LHFPL3: variants seen among roughly 807,000 people sequenced by gnomAD.
The protein encoded by LHFPL3 is LHFPL tetraspan subfamily member 3 protein.
In LHFPL3, 5 loss-of-function variants were observed where a neutral mutation model predicts 19.3. The observed-to-expected ratio is 0.26, with a 90% CI of 0.14 to 0.54. The LOEUF (loss-of-function observed/expected upper bound fraction) is 0.54. Ranked by LOEUF, LHFPL3 falls within the 20% of genes least tolerant of loss-of-function variation. LHFPL3 has a pLI of 0.94. For synonymous variants in LHFPL3, 133 were observed against 126.2 expected (o/e 1.05, Z -0.36); for missense variants, 249 against 307.4 (o/e 0.81, Z 1.42).
At chr7:104,824,343 A>C (rs192814868) in intron 2 of LHFPL3, among the ~76,000 whole-genome samples, 9,860 of 33,568 alleles carry the variant, frequency 0.29, 1,587 homozygotes, top group Middle Eastern at 0.42. Context: ...AATATATATA[A>C]TTATAGATAA....
chr7:104,724,920 C>T (rs1793563324), intron 1 of LHFPL3, among the ~76,000 whole-genome samples: 1 of 152,190 alleles, frequency 6.6e-6, no homozygotes, highest in Non-Finnish European at 1.5e-5. Flanking sequence ...AAACCCTGAC[C>T]TTGTTAGACA....
At chr7:104,509,963 A>G (rs926360539) in intron 1 of LHFPL3, among the ~76,000 whole-genome samples, 3 of 152,128 alleles carry the variant, frequency 2.0e-5, no homozygotes, top group African/African-American at 7.2e-5. Context: ...GGGATATCAA[A>G]GTTAAAGTGC....
chr7:104,806,958 C>T (rs928265487), intron 2 of LHFPL3, among the ~76,000 whole-genome samples: 1 of 151,012 alleles, frequency 6.6e-6, no homozygotes, highest in Non-Finnish European at 1.5e-5. Context: ...CTAATAATTT[C>T]ATTTATTCCT....
intron 1 of LHFPL3, among the ~76,000 whole-genome samples, chr7:104,692,932 A>G (rs1191147876): frequency 6.6e-6 from 1 of 152,160 alleles, no homozygotes; most frequent in Non-Finnish European, 1.5e-5. Flanking sequence ...GCACCATGCA[A>G]CTAGAAAAGC....
chr7:104,648,601 C>A (rs930533707), intron 1 of LHFPL3, among the ~76,000 whole-genome samples: 1 of 152,182 alleles, frequency 6.6e-6, no homozygotes, highest in African/African-American at 2.4e-5. Flanking sequence ...TCTAACCCTG[C>A]ACCATTTTGT....
intron 1 of LHFPL3, among the ~76,000 whole-genome samples, chr7:104,488,005 A>G (rs773961716): frequency 2.0e-5 from 3 of 152,150 alleles, no homozygotes; most frequent in Non-Finnish European, 2.9e-5. Flanking sequence ...CATGAAGTCC[A>G]TATCTAGTTT....
intron 1 of LHFPL3, among the ~76,000 whole-genome samples, chr7:104,482,334 C>A (rs552222372): frequency 6.6e-6 from 1 of 152,210 alleles, no homozygotes; most frequent in Non-Finnish European, 1.5e-5. Flanking sequence ...CTAGGAACCA[C>A]ATCTAAGACA....
At chr7:104,357,021 GTCCCCAAATTACTC>G (rs1554380401) in intron 1 of LHFPL3, among the ~76,000 whole-genome samples, 7 of 151,980 alleles carry the variant, frequency 4.6e-5, no homozygotes, top group Admixed American at 3.9e-4. Flanking sequence ...GGGACTTGGG[GTCCCCAAATTACTC>G]AAACTATTGA....
chr7:104,603,047 C>CT (rs992153691), intron 1 of LHFPL3, among the ~76,000 whole-genome samples: 2 of 150,650 alleles, frequency 1.3e-5, no homozygotes, highest in Admixed American at 6.6e-5. Context: ...ATTAAGTTTT[C>CT]TTTTTTTTCT....
intron 1 of LHFPL3, among the ~76,000 whole-genome samples, chr7:104,554,079 A>G (rs1306035989): frequency 6.6e-6 from 1 of 152,150 alleles, no homozygotes; most frequent in African/African-American, 2.4e-5. Flanking sequence ...GATCTTTTGT[A>G]CACTGCTTTA....
chr7:104,615,036 T>C (rs935994578), intron 1 of LHFPL3, among the ~76,000 whole-genome samples: 1 of 152,032 alleles, frequency 6.6e-6, no homozygotes, highest in African/African-American at 2.4e-5. Context: ...ATTACAAGAG[T>C]GAGCCACTGT....
chr7:104,418,461 G>A (rs1256324168), intron 1 of LHFPL3, among the ~76,000 whole-genome samples: 2 of 152,178 alleles, frequency 1.3e-5, no homozygotes, highest in African/African-American at 4.8e-5. Context: ...GAGCCCAGGA[G>A]TTTGAGGCTG....
chr7:104,860,178 C>CCA (rs10534227), intron 2 of LHFPL3, among the ~76,000 whole-genome samples: 24,954 of 128,772 alleles, frequency 0.19, 2,073 homozygotes, highest in Middle Eastern at 0.26. Context: ...ATACACCCAC[C>CCA]CACACACACA....
rs912089967 is a variant in LHFPL3 at position 104,725,827 on chromosome 7, G to A, written c.446-10848G>A. 5.9e-5 allele frequency among the ~76,000 whole-genome samples: 9 copies of A among 152,112 alleles called. No individual in the cohort carries two copies. In the South Asian group the frequency reaches 8.3e-4, roughly 14 times the overall value. On this transcript the variant is annotated intron_variant, in intron 1 of 2. Transcript: ENST00000424859. ...AGCACTTTGGGAGGCCAAAAATGGC[G>A]GATCACGAGGTCAGGAGTTCAATAC...
chr7:104,420,699 A>G (rs1035753263), intron 1 of LHFPL3, among the ~76,000 whole-genome samples: 1 of 151,796 alleles, frequency 6.6e-6, no homozygotes, highest in East Asian at 1.9e-4. Flanking sequence ...AGCTGGGACT[A>G]CAGGCGCCCG....
At chr7:104,402,898 G>C (rs1318285344) in intron 1 of LHFPL3, among the ~76,000 whole-genome samples, 2 of 152,166 alleles carry the variant, frequency 1.3e-5, no homozygotes, top group African/African-American at 4.8e-5. Context: ...GATTCCAAAT[G>C]ATATATAATG....
chr7:104,678,543 A>G (rs1452076328), intron 1 of LHFPL3, among the ~76,000 whole-genome samples: 1 of 152,006 alleles, frequency 6.6e-6, no homozygotes, highest in East Asian at 1.9e-4. Context: ...AAAAGCTTCA[A>G]AAAGAACCTA....
At chr7:104,783,536 A>T (rs1465374459) in intron 2 of LHFPL3, among the ~76,000 whole-genome samples, 5 of 152,212 alleles carry the variant, frequency 3.3e-5, no homozygotes, top group Non-Finnish European at 7.3e-5. Flanking sequence ...CGCCAAAAAC[A>T]AGAAATGTAA....
chr7:104,669,487 C>T (rs1792429135), intron 1 of LHFPL3: 14 of 1,612,006 alleles, frequency 8.7e-6, no homozygotes, highest in African/African-American at 1.3e-5. Context: ...TGAGGAAAAT[C>T]CAGCTTCCAA....
Sources: gnomAD v4.1 joint callset for allele counts (sites outside exome capture counted in the v4.1 genomes callset) on GRCh38, gnomAD v4.1.1 for gene constraint, MANE v1.5 for transcripts, NCBI Gene and HGNC (gene_info 2026-07-23, HGNC 2026-07-21) for gene names.